The following HMGN5 variants were observed in gnomAD, a reference collection of about 807,000 sequenced individuals.
HMGN5 encodes the protein high mobility group nucleosome-binding domain-containing protein 5.
HMGN5 carries 4 observed loss-of-function variants against 9.5 expected under a neutral mutation model. The ratio of observed to expected loss-of-function variants is 0.42; its 90% CI spans 0.21 to 0.96. The LOEUF (loss-of-function observed/expected upper bound fraction) is 0.96. HMGN5 is among the 40% of genes least tolerant of loss of function. HMGN5 has a pLI of 0.30. For missense variants in HMGN5, 192 were observed against 187.5 expected (o/e 1.02, Z -0.14); for synonymous variants, 55 against 57.1 (o/e 0.96, Z 0.16).
chrX:81,119,172 T>TC (rs1473531294), intron 3 of HMGN5, among the ~76,000 whole-genome samples: 1 of 111,749 alleles, frequency 8.9e-6, no homozygotes, highest in Non-Finnish European at 1.9e-5. Flanking sequence ...TACATTTTTT[T>TC]CACACTCAGT....
chrX:81,129,774 T>G (rs1445637795), intron 1 of HMGN5, among the ~76,000 whole-genome samples: 1 of 111,373 alleles, frequency 9.0e-6, no homozygotes, highest in African/African-American at 3.3e-5. Context: ...GCATAGAACT[T>G]ACCATCTTCA....
chrX:81,120,310 T>G, intron 2 of HMGN5, among the ~76,000 whole-genome samples: 1 of 111,658 alleles, frequency 9.0e-6, no homozygotes. Flanking sequence ...GGGAGACCTC[T>G]TTGTTACAAA....
chrX:81,119,860 T>C (rs369430269), intron 2 of HMGN5, 43 bp from the exon 3 acceptor site: 6 of 1,087,271 alleles, frequency 5.5e-6, no homozygotes, highest in Non-Finnish European at 7.6e-6. Flanking sequence ...GTCATTGATA[T>C]AAACACATAA....
chrX:81,135,684 G>C (rs2075309290), intron 1 of HMGN5, among the ~76,000 whole-genome samples: 1 of 110,400 alleles, frequency 9.1e-6, no homozygotes, highest in South Asian at 3.9e-4. Flanking sequence ...GGCAGGGAGG[G>C]AGAATTTGGG....
intron 1 of HMGN5, among the ~76,000 whole-genome samples, chrX:81,153,581 CTCTATATATATATATATA>C (rs1291063461): frequency 7.3e-4 from 7 of 9,624 alleles, no homozygotes; most frequent in Non-Finnish European, 1.3e-3. Flanking sequence ...CTCTCTCTCT[CTCTATATATATATATATA>C]TATATATATA....
At chrX:81,192,782 C>T (rs750808026) in intron 1 of HMGN5, among the ~76,000 whole-genome samples, 14 of 111,668 alleles carry the variant, frequency 1.3e-4, no homozygotes, top group African/African-American at 3.9e-4. Context: ...CAGTTATATT[C>T]TATGCTGACA....
chrX:81,195,929 T>TA, intron 1 of HMGN5, among the ~76,000 whole-genome samples: 1 of 111,633 alleles, frequency 9.0e-6, no homozygotes, highest in East Asian at 2.9e-4. Context: ...ATCATGAACG[T>TA]ACCATCTGGG....
At chrX:81,145,509 C>T (rs749120755) in intron 1 of HMGN5, among the ~76,000 whole-genome samples, 1 of 111,995 alleles carries the variant, frequency 8.9e-6, no homozygotes, top group African/African-American at 3.3e-5. Flanking sequence ...AAGTACTAAA[C>T]ATGGAAAGGA....
intron 1 of HMGN5, among the ~76,000 whole-genome samples, chrX:81,180,341 TCAAA>T (rs1468735025): frequency 2.7e-5 from 3 of 109,866 alleles, no homozygotes; most frequent in Non-Finnish European, 5.7e-5. Flanking sequence ...TACAAAGAAC[TCAAA>T]CAAATTTACA....
rs967031758 is a variant in HMGN5 at position 81,126,834 on chromosome X, G to A, written c.-123-5162C>T. On this transcript the variant is annotated intron_variant, in intron 1 of 6. Coordinates refer to ENST00000358130, the MANE Select transcript of HMGN5 (RefSeq NM_030763.3). ...TGAAATGATTACTACGGTCAAGCAA[G>A]TCAACATATTCAACAACAAAAAAAT... Among the ~76,000 whole-genome samples the A allele has an allele frequency of 2.3e-4, 26 of 111,629 alleles. No homozygotes were observed. In the Admixed American group the frequency reaches 2.4e-3, roughly 10 times the overall value.
chrX:81,140,283 G>A (rs935533507), intron 1 of HMGN5, among the ~76,000 whole-genome samples: 1 of 111,346 alleles, frequency 9.0e-6, no homozygotes, highest in African/African-American at 3.3e-5. Flanking sequence ...ACTCAGGGCC[G>A]CGTGCGGTGA....
In HMGN5 at chrX:81,115,135, T is replaced by C. The variant is rs1340421526; in HGVS notation, c.363A>G (p.Ala121=). Residue 121 remains alanine, a synonymous_variant, in exon 7 of 7, where the codon GCA becomes GCG. Transcript: ENST00000358130. ...GATCTTCTTCTTCATTTTTTACTTC[T>C]GCTGCCACTGCTTCTTTCTTTTCTC... is the stretch of plus-strand genomic sequence containing the variant. ...KGGEKKEAVA[A]EVKNEEEDQK... is the part of the protein sequence containing the mutation. 8.6e-7 allele frequency: 1 copy of C among 1,164,538 alleles called. No homozygotes were observed. Among genetic ancestry groups the C allele is most frequent in the Admixed American group, 2.6e-5 (1 of 39,098 alleles).
At chrX:81,163,826 A>G (rs780931841) in intron 1 of HMGN5, among the ~76,000 whole-genome samples, 1 of 111,725 alleles carries the variant, frequency 9.0e-6, no homozygotes, top group Non-Finnish European at 1.9e-5. Flanking sequence ...GGAGATTCTT[A>G]TGCGATCTCC....
chrX:81,150,929 C>A (rs1475108825), intron 1 of HMGN5, among the ~76,000 whole-genome samples: 14 of 111,689 alleles, frequency 1.3e-4, no homozygotes. Context: ...AGGAAGAAAT[C>A]CAAACCCTGA....
chrX:81,194,514 T>C (rs1258365368), intron 1 of HMGN5, among the ~76,000 whole-genome samples: 1 of 111,965 alleles, frequency 8.9e-6, no homozygotes, highest in Non-Finnish European at 1.9e-5. Context: ...AACTTCTTAG[T>C]AATCAGTGAA....
chrX:81,196,616 G>T (rs2075509134), intron 1 of HMGN5, among the ~76,000 whole-genome samples: 2 of 109,743 alleles, frequency 1.8e-5, no homozygotes, highest in South Asian at 8.0e-4. Flanking sequence ...TCAGTGGCGT[G>T]ATCTCGGCTC....
rs146510596 is a variant in HMGN5, at chrX:81,125,815, C to T, written c.-123-4143G>A. Among the ~76,000 whole-genome samples, 368 of 111,372 alleles carry T rather than the reference C, an allele frequency of 3.3e-3. 1 individual carries two copies. Among genetic ancestry groups the T allele is most frequent in the African/African-American group, 0.012 (354 of 30,648 alleles). On this transcript the variant is annotated intron_variant, in intron 1 of 6. Coordinates refer to ENST00000358130, the MANE Select transcript of HMGN5 (RefSeq NM_030763.3). The stretch of plus-strand genomic sequence containing the variant: ...GAATACAGATGAATAAACACAAGCC[C>T]AGAGAGCTTAAATGACTTGCGAAAG...
At chrX:81,149,465 G>A (rs1365878234) in intron 1 of HMGN5, among the ~76,000 whole-genome samples, 2 of 111,576 alleles carry the variant, frequency 1.8e-5, no homozygotes, top group Non-Finnish European at 3.8e-5. Flanking sequence ...ACTAGGCCCT[G>A]TCAGGGGGTG....
At chrX:81,166,172 C>T (rs891216504) in intron 1 of HMGN5, among the ~76,000 whole-genome samples, 1 of 110,785 alleles carries the variant, frequency 9.0e-6, no homozygotes, top group African/African-American at 3.3e-5. Context: ...AAAATTGCCC[C>T]CAGTTAATAG....
Sources: allele counts gnomAD v4.1 joint callset (sites outside exome capture counted in the v4.1 genomes callset), GRCh38; gene constraint gnomAD v4.1.1; transcripts MANE v1.5; gene names NCBI Gene and HGNC (gene_info 2026-07-23, HGNC 2026-07-21).